Variants in PDGFRA observed in about 807,000 individuals in gnomAD.
PDGFRA encodes the protein platelet-derived growth factor receptor alpha.
A neutral mutation model predicts 121.5 loss-of-function variants in PDGFRA; 25 were observed. That is an observed-to-expected ratio of 0.21 (90% CI 0.15 to 0.29). The LOEUF (loss-of-function observed/expected upper bound fraction) is 0.29. Among genes scored for constraint, PDGFRA ranks in the 10% least tolerant of loss-of-function variants. The pLI, the probability that PDGFRA is intolerant of heterozygous loss-of-function variation, is 1.00. For synonymous variants in PDGFRA, 463 were observed against 494.8 expected, an observed-to-expected ratio of 0.94 and a Z score of 0.85; for missense variants, 1,008 against 1,345.1, an observed-to-expected ratio of 0.75 and a Z score of 3.92.
At chr4:54,235,197 G>C (rs1275238651) in intron 1 of PDGFRA, among the ~76,000 whole-genome samples, 1 of 152,164 alleles carries the variant, frequency 6.6e-6, no homozygotes, top group Non-Finnish European at 1.5e-5. Context: ...ACTGAGCCTC[G>C]GAAATCTGAA....
intron 3 of PDGFRA, among the ~76,000 whole-genome samples, chr4:54,261,896 T>TAC (rs1722738673): frequency 1.6e-5 from 1 of 61,010 alleles, no homozygotes; most frequent in South Asian, 6.1e-4. Flanking sequence ...TTAAAAAAGT[T>TAC]ACATATATAT....
At chr4:54,262,385 A>G (rs1046365206) in intron 3 of PDGFRA, among the ~76,000 whole-genome samples, 1 of 152,118 alleles carries the variant, frequency 6.6e-6, no homozygotes. Flanking sequence ...CATTTTAATT[A>G]AAAGGACAAA....
rs151259376 is a variant in PDGFRA, at chr4:54,264,962, G to A, written c.672G>A (p.Val224=). 1.3e-3 allele frequency: 2,050 copies of A among 1,613,306 alleles called. 16 individuals carry two copies. In the African/African-American group the frequency reaches 0.022, roughly 18 times the overall value. The change falls in exon 5 of 23, where the codon GTG becomes GTA. Residue 224 remains valine (V), a synonymous_variant. Coordinates refer to ENST00000257290, the MANE Select transcript of PDGFRA (RefSeq NM_006206.6). ...TAGAAATGGAAGCTCTTAAAACCGT[G>A]TATAAGTCAGGGGAAACGATTGTGG... ...LDLEMEALKT[V]YKSGETIVVT...
At chr4:54,280,510 G>A (rs1452584697) in intron 16 of PDGFRA, 28 bp downstream of exon 16, 5 of 1,578,044 alleles carry the variant, frequency 3.2e-6, no homozygotes, top group Admixed American at 1.7e-5. Context: ...CACTCTGGGT[G>A]TTGGGACTTT....
intron 1 of PDGFRA, among the ~76,000 whole-genome samples, chr4:54,232,116 G>T (rs1230064266): frequency 1.3e-5 from 2 of 152,232 alleles, no homozygotes; most frequent in Admixed American, 6.5e-5. Flanking sequence ...ATACGTTGCT[G>T]GTGGAAAAGT....
chr4:54,230,465 G>A (rs1225217568), intron 1 of PDGFRA: 1 of 152,366 alleles, frequency 6.6e-6, no homozygotes, highest in Non-Finnish European at 1.5e-5. Context: ...CTCCTCGGTG[G>A]AATCATTTCT....
chr4:54,253,855 T>G (rs1722201860), intron 1 of PDGFRA, among the ~76,000 whole-genome samples: 1 of 151,996 alleles, frequency 6.6e-6, no homozygotes, highest in African/African-American at 2.4e-5. Context: ...CGGCTAATGT[T>G]TTTATTTTTA....
At chr4:54,273,114 T>C (rs1438807868) in intron 9 of PDGFRA, among the ~76,000 whole-genome samples, 2 of 152,176 alleles carry the variant, frequency 1.3e-5, no homozygotes, top group Non-Finnish European at 2.9e-5. Context: ...TAACTCAATC[T>C]GAGGATCATC....
rs372546959 is a variant in PDGFRA at position 54,273,724 on chromosome 4, G to T, written c.1552G>T (p.Ala518Ser). The T allele has an allele frequency of 1.9e-6, 3 of 1,612,526 alleles. No homozygotes were observed. In the African/African-American group the frequency reaches 4.0e-5, roughly 22 times the overall value. ...GAENRELKLV[A>S]PTLRSELTVA... ...TGAGAACCGAGAGCTGAAGCTGGTG[G>T]CTCCCAGTGAGTTCCTCAACAGTCA... The change falls in exon 10 of 23, where the codon GCT becomes TCT. Residue 518 changes from alanine (A) to serine (S), a missense_variant. By Grantham distance (99) the Ala-to-Ser change is moderately conservative. This residue lies in a region of PDGFRA where 575 missense variants were observed against 701.8 expected (regional missense o/e 0.82). Transcript: ENST00000257290.
chr4:54,244,865 G>C (rs1422005084), intron 1 of PDGFRA, among the ~76,000 whole-genome samples: 4 of 152,190 alleles, frequency 2.6e-5, no homozygotes, highest in Admixed American at 2.6e-4. Context: ...ATACAGAGAA[G>C]TGCTTAAAGG....
chr4:54,271,056 G>A (rs1290529294), intron 8 of PDGFRA, among the ~76,000 whole-genome samples: 1 of 152,090 alleles, frequency 6.6e-6, no homozygotes, highest in African/African-American at 2.4e-5. Context: ...TCCCACCTTG[G>A]CCTCTCAAAG....
At chr4:54,245,472 A>G (rs1278597848) in intron 1 of PDGFRA, among the ~76,000 whole-genome samples, 2 of 151,992 alleles carry the variant, frequency 1.3e-5, no homozygotes, top group Non-Finnish European at 2.9e-5. Context: ...TAAGCTTCAT[A>G]AGTGAAGGAG....
chr4:54,285,652 A>G (rs952180540), intron 17 of PDGFRA, among the ~76,000 whole-genome samples, 166 bp downstream of exon 17: 8 of 152,176 alleles, frequency 5.3e-5, no homozygotes, highest in Admixed American at 5.2e-4. Context: ...TGAAATCATC[A>G]GGCATCTACT....
chr4:54,286,615 C>T (rs1454916274), intron 18 of PDGFRA, among the ~76,000 whole-genome samples: 1 of 152,116 alleles, frequency 6.6e-6, no homozygotes, highest in Non-Finnish European at 1.5e-5. Context: ...CCTCAGCCTC[C>T]CAAAGTGCTG....
chr4:54,231,409 C>G (rs1720660696), intron 1 of PDGFRA, among the ~76,000 whole-genome samples: 1 of 152,196 alleles, frequency 6.6e-6, no homozygotes, highest in Admixed American at 6.5e-5. Context: ...CCAGGGCAAA[C>G]GCACGACAGT....
chr4:54,273,799 C>A, intron 10 of PDGFRA, 69 bp downstream of exon 10: 1 of 1,300,482 alleles, frequency 7.7e-7, no homozygotes, highest in Non-Finnish European at 1.1e-6. Context: ...ACTTTGAATC[C>A]CAGATAGGGG....
intron 16 of PDGFRA, 140 bp downstream of exon 16, chr4:54,280,622 C>T: frequency 4.3e-6 from 3 of 689,952 alleles, no homozygotes; most frequent in South Asian, 3.1e-5. Context: ...GTCTGCACAA[C>T]CAGTTCTGTG....
intron 18 of PDGFRA, 122 bp from the exon 19 acceptor site, chr4:54,287,308 C>CA: frequency 1.3e-6 from 1 of 757,932 alleles, no homozygotes; most frequent in Non-Finnish European, 2.4e-6. Context: ...AAAAGACACT[C>CA]AAATGGGACA....
intron 5 of PDGFRA, 51 bp downstream of exon 5, chr4:54,265,100 GAAGA>G: frequency 6.3e-7 from 1 of 1,591,892 alleles, no homozygotes; most frequent in East Asian, 2.2e-5. Flanking sequence ...ACAGGGCTCA[GAAGA>G]CCTGCATTTG....
Sources: allele counts gnomAD v4.1 joint callset (sites outside exome capture counted in the v4.1 genomes callset), GRCh38; gene constraint gnomAD v4.1.1; regional missense constraint gnomAD v4.1.1; transcripts MANE v1.5; gene names NCBI Gene and HGNC (gene_info 2026-07-23, HGNC 2026-07-21).